FAM20A: variants seen among roughly 807,000 people sequenced by gnomAD.
The protein encoded by FAM20A is pseudokinase FAM20A.
In FAM20A, 42 loss-of-function variants were observed where a neutral mutation model predicts 52.0. That is an observed-to-expected ratio of 0.81 (90% CI 0.63 to 1.04). The LOEUF is 1.04. FAM20A is among the 50% of genes least tolerant of loss of function. FAM20A has a pLI of 0.00. For synonymous variants in FAM20A, 304 were observed against 298.9 expected (o/e 1.02, Z -0.18); for missense variants, 742 against 712.7 (o/e 1.04, Z -0.47).
chr17:68,581,505 TTC>T (rs1233226942), intron 1 of FAM20A, among the ~76,000 whole-genome samples: 7 of 83,574 alleles, frequency 8.4e-5, no homozygotes, highest in Admixed American at 1.8e-4. Flanking sequence ...TCTTTCTTCT[TTC>T]TCTTTCTCTC....
chr17:68,577,551 G>A (rs1287292551), intron 1 of FAM20A, among the ~76,000 whole-genome samples: 1 of 152,186 alleles, frequency 6.6e-6, no homozygotes, highest in Middle Eastern at 3.2e-3. Flanking sequence ...CAATGCAAAG[G>A]ACAGCTCTGC....
chr17:68,554,083 TACATATATACAC>T (rs2086982635), intron 3 of FAM20A, among the ~76,000 whole-genome samples: 1 of 138,130 alleles, frequency 7.2e-6, no homozygotes, highest in South Asian at 2.3e-4. Context: ...CACACATATA[TACATATATACAC>T]ACATATATAT....
intron 1 of FAM20A, among the ~76,000 whole-genome samples, chr17:68,572,024 A>ATATAT (rs1568762696): frequency 3.4e-5 from 4 of 118,178 alleles, no homozygotes; most frequent in African/African-American, 1.3e-4. Flanking sequence ...ATATATATAT[A>ATATAT]TATATATATA....
chr17:68,595,025 G>A (rs955647272), intron 1 of FAM20A, among the ~76,000 whole-genome samples: 5 of 152,200 alleles, frequency 3.3e-5, no homozygotes, highest in Non-Finnish European at 7.3e-5. Context: ...GGCTGTCTTG[G>A]AATTCCATCT....
At chr17:68,578,712 G>A (rs1006167358) in intron 1 of FAM20A, among the ~76,000 whole-genome samples, 12 of 151,510 alleles carry the variant, frequency 7.9e-5, no homozygotes, top group African/African-American at 9.7e-5. Flanking sequence ...GTCTAGGCTC[G>A]GCCAGGTGCA....
chr17:68,588,833 C>T (rs2088228118), intron 1 of FAM20A, among the ~76,000 whole-genome samples: 1 of 152,160 alleles, frequency 6.6e-6, no homozygotes, highest in Non-Finnish European at 1.5e-5. Context: ...CAGTCTATAC[C>T]AGCCTCATTA....
chr17:68,564,824 A>AT, intron 1 of FAM20A, among the ~76,000 whole-genome samples: 1 of 152,156 alleles, frequency 6.6e-6, no homozygotes, highest in African/African-American at 2.4e-5. Context: ...GAGGGTGCCA[A>AT]TCTGCACCCT....
intron 7 of FAM20A, 154 bp from the exon 8 acceptor site, chr17:68,541,112 G>A (rs1451468500): frequency 9.1e-7 from 1 of 1,100,740 alleles, no homozygotes; most frequent in East Asian, 2.6e-5. Context: ...CCTGGGCAAG[G>A]ACGCGTAAGG....
rs2143962116 is a variant in FAM20A, at chr17:68,600,222, C to A, written c.404+41G>T. 1 of 1,545,324 alleles carries A rather than the reference C, an allele frequency of 6.5e-7. No individual in the cohort carries two copies. Among genetic ancestry groups the A allele is most frequent in the South Asian group, 1.2e-5 (1 of 83,596 alleles). ...AGACTGGGGCGCGGGGAGGCCCCGG[C>A]CAGAGCGCCCGCTCTCCCGCGTCCC... is the stretch of plus-strand genomic sequence containing the variant. On this transcript the variant is annotated intron_variant, in intron 1 of 10. Coordinates refer to ENST00000592554, the MANE Select transcript of FAM20A (RefSeq NM_017565.4). This position sits in a 1 kb window ranked among gnomAD's most constrained non-coding sequence, Gnocchi z 6.2.
chr17:68,600,711 C>T lies in FAM20A; in HGVS notation c.-45G>A. ...ACGCCGGGGGCAGGCCGGCTGTCTCCGGGGTCCCGGGAGGGGTCGCGGGGT... is the reference window on the plus strand; with the variant it reads ...ACGCCGGGGGCAGGCCGGCTGTCTCTGGGGTCCCGGGAGGGGTCGCGGGGT... On this transcript the variant is annotated 5_prime_UTR_variant, in exon 1 of 11. Transcript: ENST00000592554. This position sits in a 1 kb window ranked among gnomAD's most constrained non-coding sequence, Gnocchi z 6.2. 2.0e-6 allele frequency: 3 copies of T among 1,521,976 alleles called. No homozygotes were observed. Among genetic ancestry groups the T allele is most frequent in the African/African-American group, 1.4e-5 (1 of 71,906 alleles). 94.3% of individuals were successfully genotyped at this position (1,521,976 alleles called of 1,614,324 possible). A position where few individuals can be genotyped will look rare whatever the true frequency, so the allele number is the denominator to read the frequency against.
intron 1 of FAM20A, among the ~76,000 whole-genome samples, chr17:68,591,090 A>C: frequency 1.4e-5 from 1 of 71,926 alleles, no homozygotes; most frequent in South Asian, 6.2e-4. Flanking sequence ...GAGTCCAAGG[A>C]CTCTGTTTTG....
At chr17:68,565,678 G>A (rs563927450) in intron 1 of FAM20A, among the ~76,000 whole-genome samples, 61 of 152,252 alleles carry the variant, frequency 4.0e-4, no homozygotes, top group African/African-American at 1.5e-3. Flanking sequence ...ACAGGCATGA[G>A]CCATCATGCC....
chr17:68,539,206 G>T (rs2086186467), intron 10 of FAM20A, 131 bp downstream of exon 10: 4 of 793,568 alleles, frequency 5.0e-6, no homozygotes, highest in Non-Finnish European at 8.7e-6. Context: ...AGGAAATAAG[G>T]TGATTCATGT....
At chr17:68,550,697 G>A (rs1485458231) in intron 4 of FAM20A, among the ~76,000 whole-genome samples, 4 of 152,194 alleles carry the variant, frequency 2.6e-5, no homozygotes, top group East Asian at 1.9e-4. Flanking sequence ...CTCTTTATAC[G>A]GCAGTGGTTC....
chr17:68,599,863 C>T (rs879879778), intron 1 of FAM20A, among the ~76,000 whole-genome samples: 1 of 152,172 alleles, frequency 6.6e-6, no homozygotes, highest in Non-Finnish European at 1.5e-5. Flanking sequence ...TGTTTGGGGC[C>T]TCATTCTGGA....
intron 7 of FAM20A, 137 bp from the exon 8 acceptor site, chr17:68,541,095 GAA>G (rs1206921654): frequency 3.0e-6 from 4 of 1,355,572 alleles, no homozygotes; most frequent in Non-Finnish European, 4.0e-6. Flanking sequence ...CTAAAATTCA[GAA>G]AGGCCCTGGG....
chr17:68,568,961 G>A (rs953048272), intron 1 of FAM20A, among the ~76,000 whole-genome samples: 5 of 151,834 alleles, frequency 3.3e-5, no homozygotes, highest in Non-Finnish European at 5.9e-5. Context: ...GGCACTGCCC[G>A]ATCTTTCTAA....
intron 1 of FAM20A, among the ~76,000 whole-genome samples, chr17:68,591,490 T>C (rs1321540590): frequency 6.6e-6 from 1 of 152,166 alleles, no homozygotes; most frequent in East Asian, 1.9e-4. Context: ...CTTCCTACAG[T>C]GAGTTTGAAT....
At chr17:68,594,386 G>C (rs1305015627) in intron 1 of FAM20A, among the ~76,000 whole-genome samples, 2 of 148,300 alleles carry the variant, frequency 1.3e-5, no homozygotes, top group East Asian at 2.0e-4. Context: ...GCGACAGAGC[G>C]AGACTCCGTC....
Sources: gnomAD v4.1 joint callset for allele counts (sites outside exome capture counted in the v4.1 genomes callset) on GRCh38, gnomAD v4.1.1 for gene constraint, Gnocchi (gnomAD v3.1) non-coding constraint, MANE v1.5 for transcripts, NCBI Gene and HGNC (gene_info 2026-07-23, HGNC 2026-07-21) for gene names.